Variants in EBF4 observed in about 807,000 individuals in gnomAD.
EBF4 encodes the protein EBF transcription factor 4, also known as transcription factor COE4.
A neutral mutation model predicts 67.1 loss-of-function variants in EBF4; 34 were observed. That is an observed-to-expected ratio of 0.51 (90% CI 0.39 to 0.67). The LOEUF is 0.67. Ranked by LOEUF, EBF4 falls within the 30% of genes least tolerant of loss-of-function variation. EBF4 has a pLI of 0.00. For synonymous variants in EBF4, 387 were observed against 377.7 expected (o/e 1.02, Z -0.29); for missense variants, 837 against 873.3 (o/e 0.96, Z 0.52).
Position 2,693,583 on chromosome 20 carries a change from C to G in EBF4, c.-63C>G. On this transcript the variant is annotated 5_prime_UTR_variant, in exon 1 of 17. Transcript: ENST00000609451. This position sits in a 1 kb window ranked among gnomAD's most constrained non-coding sequence, Gnocchi z 4.6. The stretch of plus-strand genomic sequence containing the variant: ...TGCCGTCGGGTCGGGCTGAGCTAGA[C>G]GCCCGCAGCCTCAGCGGGACCGGAT... The G allele has an allele frequency of 7.6e-7, 1 of 1,323,302 alleles. No homozygotes were observed. The highest frequency in any genetic ancestry group is 9.6e-7 in the Non-Finnish European group (1 of 1,039,596). 82.0% of individuals were successfully genotyped at this position (1,323,302 alleles called of 1,614,324 possible). A position where few individuals can be genotyped will look rare whatever the true frequency, so the allele number is the denominator to read the frequency against.
At chr20:2,742,917 A>G (rs1186114608) in intron 6 of EBF4, among the ~76,000 whole-genome samples, 1 of 152,152 alleles carries the variant, frequency 6.6e-6, no homozygotes, top group African/African-American at 2.4e-5. Flanking sequence ...TCCCAGGCCC[A>G]GAACCTTGTC....
rs1397943845 is a variant in EBF4, at chr20:2,756,525, TG to T, written c.1738+706del. ...AACAGGTCCTTGTTGATGGGGATGG[TG>T]GGGGCCAGGGCCAGTGTCTTCCCTA... On this transcript the variant is annotated intron_variant, in intron 15 of 16. Coordinates refer to ENST00000609451, the Ensembl canonical transcript of EBF4. The surrounding 1 kb of genome is among the most constrained non-coding windows in gnomAD (Gnocchi z 4.5). Among the ~76,000 whole-genome samples the T allele has an allele frequency of 2.0e-5, 3 of 152,172 alleles. No individual in the cohort carries two copies. The highest frequency in any genetic ancestry group is 1.3e-4 in the Admixed American group (2 of 15,280).
chr20:2,693,280 T>A, upstream of EBF4: 1 of 166,452 alleles, frequency 6.0e-6, no homozygotes, highest in Non-Finnish European at 1.3e-5. The surrounding 1 kb of genome is among the most constrained non-coding windows in gnomAD (Gnocchi z 4.6). Context: ...GGGCCCCCCC[T>A]CCGACGACCG....
At chr20:2,692,915 G>C (rs1300322793), upstream of EBF4, 1 of 146,158 alleles carries the variant, frequency 6.8e-6, no homozygotes. The surrounding 1 kb of genome is among the most constrained non-coding windows in gnomAD (Gnocchi z 6.4). Context: ...CGGGCCCCGG[G>C]GGGAGTCGGC....
Position 2,751,598 on chromosome 20 carries a change from G to A in EBF4, c.1019-102G>A. The stretch of plus-strand genomic sequence containing the variant: ...GCCTGGTGGAGGGGGCTGCAGCGAG[G>A]CTCTCGGACTGGGCGCTGGCCTGCT... On this transcript the variant is annotated intron_variant, in intron 10 of 16. Transcript: ENST00000609451. This position sits in a 1 kb window ranked among gnomAD's most constrained non-coding sequence, Gnocchi z 5.2. 8.3e-7 allele frequency: 1 copy of A among 1,208,474 alleles called. No individual in the cohort carries two copies. Among genetic ancestry groups the A allele is most frequent in the Non-Finnish European group, 1.2e-6 (1 of 844,768 alleles). The allele number at this position is 1,208,474 out of a possible 1,614,324, so 74.9% of individuals were successfully genotyped here. A position where few individuals can be genotyped will look rare whatever the true frequency, so the allele number is the denominator to read the frequency against.
In EBF4 at chr20:2,705,753, G is replaced by A; in HGVS notation, c.294+20G>A. 1 of 1,541,220 alleles carries A rather than the reference G, an allele frequency of 6.5e-7. No homozygotes were observed. The highest frequency in any genetic ancestry group is 8.8e-7 in the Non-Finnish European group (1 of 1,142,062). On this transcript the variant is annotated intron_variant, in intron 2 of 16. Coordinates refer to ENST00000609451, the Ensembl canonical transcript of EBF4. ...GACCGAGTGAGAGGCTCATGGGCTT[G>A]GCTGGGACTGGCCCCGGGAGGGAAC... is the stretch of plus-strand genomic sequence containing the variant.
At chr20:2,710,480 A>T (rs2087527607) in intron 6 of EBF4, among the ~76,000 whole-genome samples, 1 of 152,038 alleles carries the variant, frequency 6.6e-6, no homozygotes, top group Non-Finnish European at 1.5e-5. Context: ...ATGCATAAAT[A>T]AGGTGTAAAA....
chr20:2,693,820 A>G lies in EBF4; in HGVS notation c.137+38A>G. 7.9e-7 allele frequency: 1 copy of G among 1,262,714 alleles called. No homozygotes were observed. The highest frequency in any genetic ancestry group is 1.0e-6 in the Non-Finnish European group (1 of 1,003,252). The allele number at this position is 1,262,714 out of a possible 1,614,324, so 78.2% of individuals were successfully genotyped here. A position where few individuals can be genotyped will look rare whatever the true frequency, so the allele number is the denominator to read the frequency against. ...ACCGGACCCGGTGCGCTCGGGTTGG[A>G]CGGCTGCGCGCCGCCTCAGCTCAGC... is the stretch of plus-strand genomic sequence containing the variant. On this transcript the variant is annotated intron_variant, in intron 1 of 16. Transcript: ENST00000609451. This position sits in a 1 kb window ranked among gnomAD's most constrained non-coding sequence, Gnocchi z 4.6.
Position 2,759,000 on chromosome 20 carries a change from G to A in EBF4, c.*5+16G>A. On this transcript the variant is annotated intron_variant, in intron 16 of 16. Transcript: ENST00000609451. ...CCTAATTACGGTAGGTCTCTGGCTG[G>A]GTCTGGCCTCCCCCGCCCCACCTGG... The A allele has an allele frequency of 6.4e-7, 1 of 1,551,078 alleles. No individual in the cohort carries two copies. The highest frequency in any genetic ancestry group is 8.7e-7 in the Non-Finnish European group (1 of 1,146,494).
At chr20:2,750,000 G>A (rs1160517482) in intron 10 of EBF4, 27 bp downstream of exon 10, 1 of 1,535,010 alleles carries the variant, frequency 6.5e-7, no homozygotes, top group Admixed American at 2.0e-5. Context: ...GGGAGTGGAG[G>A]TCTAAGGTGC....
In EBF4 at chr20:2,715,894, G is replaced by A. The variant is rs1377909186; in HGVS notation, c.557+6252G>A. Among the ~76,000 whole-genome samples, 9 of 151,912 alleles carry A rather than the reference G, an allele frequency of 5.9e-5. No homozygotes were observed. The South Asian group carries it at 6.2e-4, about 11-fold the overall frequency. On this transcript the variant is annotated intron_variant, in intron 6 of 16. Coordinates refer to ENST00000609451, the Ensembl canonical transcript of EBF4. ...CTTCCGAGTAGCTGGGATTACAGGC[G>A]CACGCCATCACACCCTGTTAATTTT...
chr20:2,718,533 T>A (rs975517787), intron 6 of EBF4, among the ~76,000 whole-genome samples: 16 of 152,224 alleles, frequency 1.1e-4, no homozygotes, highest in Admixed American at 9.8e-4. Context: ...TCAAAGAATT[T>A]GTCAATTTCT....
chr20:2,752,112 C>T lies in EBF4; in HGVS notation c.1200C>T (p.Asp400=), dbSNP rs1310857643. 5 of 1,463,002 alleles carry T rather than the reference C, an allele frequency of 3.4e-6. No individual in the cohort carries two copies. The African/African-American group carries it at 4.5e-5, about 13-fold the overall frequency. 90.6% of individuals were successfully genotyped at this position (1,463,002 alleles called of 1,614,324 possible). A position where few individuals can be genotyped will look rare whatever the true frequency, so the allele number is the denominator to read the frequency against. The change falls in exon 13 of 17, where the codon GAC becomes GAT. Residue 400 remains aspartate (D), a synonymous_variant. Transcript: ENST00000609451. ...AGCTGCTCCTGAAGCGCGCGGCGGA[C>T]GTGGCCGAGGCTCTGTACAGCACCC...
rs2087248694 is a variant in EBF4, at chr20:2,693,895, G to C, written c.137+113G>C. 8.2e-7 allele frequency: 1 copy of C among 1,216,874 alleles called. No homozygotes were observed. The highest frequency in any genetic ancestry group is 3.8e-5 in the South Asian group (1 of 26,578). The allele number at this position is 1,216,874 out of a possible 1,614,324, so 75.4% of individuals were successfully genotyped here. On this transcript the variant is annotated intron_variant, in intron 1 of 16. Coordinates refer to ENST00000609451, the Ensembl canonical transcript of EBF4. This position sits in a 1 kb window ranked among gnomAD's most constrained non-coding sequence, Gnocchi z 4.6. ...GCGGAAGGAGCCCTAACTCTGGACGGTCCCGGCGAGCTCCCCGGCCCACCC... is the reference window on the plus strand; with the variant it reads ...GCGGAAGGAGCCCTAACTCTGGACGCTCCCGGCGAGCTCCCCGGCCCACCC...
At chr20:2,705,806 CA>C in intron 2 of EBF4, 73 bp downstream of exon 2, 1 of 1,301,644 alleles carries the variant, frequency 7.7e-7, no homozygotes, top group Admixed American at 2.3e-5. Context: ...CACACACACA[CA>C]CACACACACA....
In EBF4 at chr20:2,755,500, G is replaced by A. The variant is rs2088227382; in HGVS notation, c.1541-127G>A. On this transcript the variant is annotated intron_variant, in intron 14 of 16. Coordinates refer to ENST00000609451, the Ensembl canonical transcript of EBF4. The surrounding 1 kb of genome is among the most constrained non-coding windows in gnomAD (Gnocchi z 4.7). The stretch of plus-strand genomic sequence containing the variant: ...ACCCTCACAGCTCCCAGTGAGATCT[G>A]AGCCTGGTACCTGTGTCAGCAGCCC... The A allele has an allele frequency of 1.6e-6, 1 of 638,410 alleles. No homozygotes were observed. Among genetic ancestry groups the A allele is most frequent in the Non-Finnish European group, 2.8e-6 (1 of 352,446 alleles). 39.5% of individuals were successfully genotyped at this position (638,410 alleles called of 1,614,324 possible). A position where few individuals can be genotyped will look rare whatever the true frequency, so the allele number is the denominator to read the frequency against.
rs766379166 is a variant in EBF4 at position 2,707,925 on chromosome 20, C to T, written c.415-22C>T. The T allele has an allele frequency of 6.4e-7, 1 of 1,574,418 alleles. No individual in the cohort carries two copies. Among genetic ancestry groups the T allele is most frequent in the South Asian group, 1.2e-5 (1 of 86,450 alleles). ...CAGAGGAGCCTCCTTCCCCTCCAGC[C>T]TGTGCACCTCCCTCTCCCCAGGCCA... On this transcript the variant is annotated intron_variant, in intron 4 of 16. Transcript: ENST00000609451. The surrounding 1 kb of genome is among the most constrained non-coding windows in gnomAD (Gnocchi z 4.6).
In EBF4 at chr20:2,751,817, C is replaced by A. The variant is rs1425902046; in HGVS notation, c.1107+29C>A. The stretch of plus-strand genomic sequence containing the variant: ...CTCAGAGGGGCGGGGCGGGGCGGGG[C>A]TGAGGGTGTCCTGTGGGCAAGGGGG... On this transcript the variant is annotated intron_variant, in intron 11 of 16. Transcript: ENST00000609451. This position sits in a 1 kb window ranked among gnomAD's most constrained non-coding sequence, Gnocchi z 5.2. 1 of 1,547,880 alleles carries A rather than the reference C, an allele frequency of 6.5e-7. No individual in the cohort carries two copies. Among genetic ancestry groups the A allele is most frequent in the Non-Finnish European group, 8.7e-7 (1 of 1,145,758 alleles).
At chr20:2,746,419 G>T (rs1168431654) in intron 6 of EBF4, among the ~76,000 whole-genome samples, 1 of 152,094 alleles carries the variant, frequency 6.6e-6, no homozygotes, top group South Asian at 2.1e-4. Flanking sequence ...TATAGGGGGT[G>T]CCCACTGTGG....
Sources: allele counts gnomAD v4.1 joint callset (sites outside exome capture counted in the v4.1 genomes callset), GRCh38; gene constraint gnomAD v4.1.1; non-coding constraint Gnocchi (gnomAD v3.1); transcripts MANE v1.5; gene names NCBI Gene and HGNC (gene_info 2026-07-23, HGNC 2026-07-21).